The following ZDHHC6 variants were observed in gnomAD, a reference collection of about 807,000 sequenced individuals.
The protein encoded by ZDHHC6 is palmitoyltransferase ZDHHC6.
In ZDHHC6, 32 loss-of-function variants were observed where a neutral mutation model predicts 57.8. The observed-to-expected ratio is 0.55, with a 90% CI of 0.42 to 0.74. The LOEUF is 0.74. ZDHHC6 is among the 30% of genes least tolerant of loss of function. The probability of loss-of-function intolerance (pLI) is 0.00; values close to 1 mark genes in which losing one functional copy is unlikely to be tolerated. For missense variants in ZDHHC6, 433 were observed against 500.7 expected (o/e 0.86, Z 1.29); for synonymous variants, 128 against 158.0 (o/e 0.81, Z 1.42).
At chr10:112,437,950 G>A (rs1404952791) in intron 6 of ZDHHC6, among the ~76,000 whole-genome samples, 1 of 150,832 alleles carries the variant, frequency 6.6e-6, no homozygotes, top group Non-Finnish European at 1.5e-5. Flanking sequence ...CAAAATGTTA[G>A]GAGCTTCATT....
intron 1 of ZDHHC6, 57 bp from the exon 2 acceptor site, chr10:112,445,707 T>C (rs908360937): frequency 3.8e-6 from 2 of 521,978 alleles, no homozygotes; most frequent in Admixed American, 3.4e-5. Context: ...AAACCTTTAT[T>C]GCATACCATA....
At position 112,430,565 on chromosome 10, in the gene ZDHHC6, A is replaced by G; in HGVS notation, c.*239T>C. 1 of 366,130 alleles carries G rather than the reference A, an allele frequency of 2.7e-6. No homozygotes were observed. Among genetic ancestry groups the G allele is most frequent in the African/African-American group, 2.1e-5 (1 of 47,936 alleles). 22.7% of individuals were successfully genotyped at this position (366,130 alleles called of 1,614,324 possible). On this transcript the variant is annotated 3_prime_UTR_variant, in exon 11 of 11. Transcript: ENST00000369405. ...AAAATGCCGTTAACTTACTTGGATG[A>G]AATGTTTTTCCTTTGAGGGGGAGGA...
At chr10:112,428,275 C>T (rs1844816532), downstream of ZDHHC6, 3 of 389,706 alleles carry the variant, frequency 7.7e-6, no homozygotes, top group Non-Finnish European at 9.1e-6. Context: ...CAACTGATCT[C>T]CCCCACCCTT....
upstream of ZDHHC6, chr10:112,447,203 C>T: frequency 3.3e-6 from 2 of 613,626 alleles, no homozygotes; most frequent in South Asian, 2.3e-5. Context: ...TCCGGAGAAC[C>T]GAGATTGCGA....
chr10:112,434,215 CAAAATGTCACTTG>C, intron 7 of ZDHHC6, 69 bp downstream of exon 7: 1 of 1,371,600 alleles, frequency 7.3e-7, no homozygotes, highest in Non-Finnish European at 9.8e-7. Context: ...TATTTTACTA[CAAAATGTCACTTG>C]AGTTGAGGGG....
chr10:112,430,084 C>T (rs1045359431), downstream of ZDHHC6, among the ~76,000 whole-genome samples: 32 of 152,200 alleles, frequency 2.1e-4, no homozygotes, highest in African/African-American at 7.7e-4. Flanking sequence ...TCACGGCTCC[C>T]CCTCAACACC....
chr10:112,426,675 T>A (rs746457892), downstream of ZDHHC6: 110 of 942,368 alleles, frequency 1.2e-4, no homozygotes, highest in South Asian at 9.7e-4. Context: ...TGCATAGTTT[T>A]ATATTCCTGC....
downstream of ZDHHC6, chr10:112,426,341 G>A (rs200496331): frequency 3.1e-6 from 5 of 1,614,014 alleles, no homozygotes; most frequent in Middle Eastern, 1.6e-4. Context: ...GCTCCTTTGA[G>A]GAACTGTGCC....
chr10:112,441,033 G>C (rs1846068857), intron 4 of ZDHHC6, among the ~76,000 whole-genome samples: 1 of 152,002 alleles, frequency 6.6e-6, no homozygotes, highest in African/African-American at 2.4e-5. Flanking sequence ...TTTTAGTAGA[G>C]ACAGGTGTCA....
At chr10:112,447,136 G>A, upstream of ZDHHC6, 3 of 524,792 alleles carry the variant, frequency 5.7e-6, no homozygotes, top group Non-Finnish European at 6.9e-6. Flanking sequence ...CTTTTCCTTT[G>A]CGAACTTACT....
At position 112,434,183 on chromosome 10, in the gene ZDHHC6, T is replaced by C. The variant is rs1445762220; in HGVS notation, c.903+114A>G. ...TAGAATTATTAGATTCATTTTGACA[T>C]AGTGAAAACATTCATATTACTTATT... On this transcript the variant is annotated intron_variant, in intron 7 of 10. Coordinates refer to ENST00000369405, the MANE Select transcript of ZDHHC6 (RefSeq NM_022494.3). The C allele has an allele frequency of 6.9e-6, 7 of 1,021,254 alleles. No homozygotes were observed. The Admixed American group carries it at 1.2e-4, about 18-fold the overall frequency. 63.3% of individuals were successfully genotyped at this position (1,021,254 alleles called of 1,614,324 possible). A position where few individuals can be genotyped will look rare whatever the true frequency, so the allele number is the denominator to read the frequency against.
In ZDHHC6 at chr10:112,432,518, G is replaced by GA. The variant is rs1845140437; in HGVS notation, c.948dup (p.Arg317SerfsTer3). 6.2e-7 allele frequency: 1 copy of GA among 1,612,454 alleles called. No homozygotes were observed. The highest frequency in any genetic ancestry group is 1.3e-5 in the African/African-American group (1 of 74,820). The stretch of plus-strand genomic sequence containing the variant: ...CTATAATCTTCTATTACTTTATAGC[G>GA]AACCTGTCGTCAGTGATCAGAAGAA... On this transcript the variant is annotated frameshift_variant, in exon 9 of 11. Transcript: ENST00000369405. LOFTEE classifies it high-confidence loss of function.
intron 8 of ZDHHC6, among the ~76,000 whole-genome samples, chr10:112,432,724 T>C (rs1298675188): frequency 6.6e-6 from 1 of 152,134 alleles, no homozygotes; most frequent in Non-Finnish European, 1.5e-5. Context: ...CTTTTCTTAC[T>C]CCTCTTTTCA....
At chr10:112,432,119 T>C (rs1485795444) in intron 10 of ZDHHC6, 121 bp downstream of exon 10, 8 of 918,748 alleles carry the variant, frequency 8.7e-6, no homozygotes, top group African/African-American at 6.7e-5. Flanking sequence ...CTTAGTGATA[T>C]ACCCTTCTAT....
At chr10:112,439,366 C>T (rs1470333944) in intron 5 of ZDHHC6, among the ~76,000 whole-genome samples, 1 of 152,038 alleles carries the variant, frequency 6.6e-6, no homozygotes, top group Non-Finnish European at 1.5e-5. Flanking sequence ...GGCACAGTGG[C>T]TCACACCTGT....
chr10:112,446,690 T>A lies in ZDHHC6; in HGVS notation c.-215+15A>T, dbSNP rs1015250309. The A allele has an allele frequency of 6.5e-6, 1 of 154,952 alleles. No homozygotes were observed. Among genetic ancestry groups the A allele is most frequent in the South Asian group, 2.1e-4 (1 of 4,850 alleles). 9.6% of individuals were successfully genotyped at this position (154,952 alleles called of 1,614,324 possible). A position where few individuals can be genotyped will look rare whatever the true frequency, so the allele number is the denominator to read the frequency against. On this transcript the variant is annotated intron_variant, in intron 1 of 10. Coordinates refer to ENST00000369405, the MANE Select transcript of ZDHHC6 (RefSeq NM_022494.3). ...CCACCAAAATCGTGCTTATATTCCC[T>A]GCCTTGACTCCCACCTCAGTGTGGT...
intron 7 of ZDHHC6, 97 bp from the exon 8 acceptor site, chr10:112,433,378 C>A (rs1845214883): frequency 1.0e-6 from 1 of 973,042 alleles, no homozygotes; most frequent in South Asian, 2.0e-5. Context: ...ATGGCAAAAC[C>A]CCAATTTTCC....
At chr10:112,426,279 G>A, downstream of ZDHHC6, 1 of 1,614,128 alleles carries the variant, frequency 6.2e-7, no homozygotes. Flanking sequence ...AGGAGTGGTG[G>A]TTCCTGACAC....
chr10:112,432,624 C>T (rs961278111), intron 8 of ZDHHC6, 103 bp from the exon 9 acceptor site: 4 of 1,426,518 alleles, frequency 2.8e-6, no homozygotes, highest in East Asian at 4.7e-5. Context: ...TATCCAGTGA[C>T]AAGCCTTCTA....
Sources: allele counts gnomAD v4.1 joint callset (sites outside exome capture counted in the v4.1 genomes callset), GRCh38; gene constraint gnomAD v4.1.1; transcripts MANE v1.5; gene names NCBI Gene and HGNC (gene_info 2026-07-23, HGNC 2026-07-21).